Variants in LRRC28 observed in about 807,000 individuals in gnomAD.
The protein encoded by LRRC28 is leucine rich repeat containing 28.
LRRC28 carries 39 observed loss-of-function variants against 45.7 expected under a neutral mutation model. The ratio of observed to expected loss-of-function variants is 0.85; its 90% CI spans 0.66 to 1.12. The LOEUF is 1.12. Among genes scored for constraint, LRRC28 ranks in the 50% most tolerant of loss-of-function variants. LRRC28 has a pLI of 0.00. For synonymous variants in LRRC28, 206 were observed against 178.8 expected, an observed-to-expected ratio of 1.15 and a Z score of -1.22; for missense variants, 435 against 438.5, an observed-to-expected ratio of 0.99 and a Z score of 0.07.
intron 5 of LRRC28, among the ~76,000 whole-genome samples, chr15:99,313,109 A>G (rs368633876): frequency 3.9e-5 from 6 of 152,336 alleles, no homozygotes; most frequent in East Asian, 3.9e-4. Context: ...ATACCTTGCA[A>G]ACAGGAAATA....
intron 1 of LRRC28, among the ~76,000 whole-genome samples, chr15:99,252,156 T>G (rs943069460): frequency 6.6e-6 from 1 of 152,226 alleles, no homozygotes; most frequent in African/African-American, 2.4e-5. Context: ...AGTAATACTA[T>G]TTGCCTTAAC....
intron 3 of LRRC28, among the ~76,000 whole-genome samples, chr15:99,286,403 T>C (rs1432614723): frequency 6.6e-6 from 1 of 152,232 alleles, no homozygotes; most frequent in Non-Finnish European, 1.5e-5. Flanking sequence ...AGTGCTGGGA[T>C]TACAGGCGTG....
intron 1 of LRRC28, among the ~76,000 whole-genome samples, chr15:99,254,016 A>G (rs2080943921): frequency 6.6e-6 from 1 of 152,222 alleles, no homozygotes; most frequent in Admixed American, 6.5e-5. Flanking sequence ...GATGATGAAA[A>G]TGGAAAGCTC....
chr15:99,344,328 A>G (rs188963195), intron 6 of LRRC28, among the ~76,000 whole-genome samples: 48 of 152,168 alleles, frequency 3.2e-4, no homozygotes, highest in Admixed American at 1.3e-3. Flanking sequence ...GTGAGGAAGC[A>G]GGATTCAGAC....
intron 5 of LRRC28, among the ~76,000 whole-genome samples, chr15:99,311,431 A>C (rs1955406711): frequency 6.6e-6 from 1 of 152,182 alleles, no homozygotes; most frequent in Non-Finnish European, 1.5e-5. Flanking sequence ...GTTGTTTACA[A>C]GTGTATTGTT....
Position 99,361,465 on chromosome 15 carries a change from A to G in LRRC28, c.825A>G (p.Glu275=), listed in dbSNP as rs1957200181. The change falls in exon 8 of 10, where the codon GAA becomes GAG. Residue 275 remains glutamate, a synonymous_variant. Transcript: ENST00000301981. ...TEHDHVLPLQ[E]LAMRGLYHTY... ...ATGATCACGTCCTCCCTCTGCAGGAATTGGCTATGAGAGGGCTGTATCATA... is the reference window on the plus strand; with the variant it reads ...ATGATCACGTCCTCCCTCTGCAGGAGTTGGCTATGAGAGGGCTGTATCATA... 6.2e-7 allele frequency: 1 copy of G among 1,613,670 alleles called. No homozygotes were observed. The highest frequency in any genetic ancestry group is 1.7e-5 in the Admixed American group (1 of 59,938).
chr15:99,344,567 T>C (rs1312682025), intron 6 of LRRC28, among the ~76,000 whole-genome samples: 2 of 152,222 alleles, frequency 1.3e-5, no homozygotes, highest in Non-Finnish European at 1.5e-5. Context: ...AAAAACTACC[T>C]TCCTCAGAAT....
chr15:99,300,342 A>G (rs2082365090), intron 5 of LRRC28, among the ~76,000 whole-genome samples: 1 of 151,952 alleles, frequency 6.6e-6, no homozygotes, highest in Non-Finnish European at 1.5e-5. Flanking sequence ...ATCTATTTTT[A>G]CCTAGTTTTA....
intron 6 of LRRC28, among the ~76,000 whole-genome samples, chr15:99,343,457 A>G (rs1385692666): frequency 6.6e-6 from 1 of 152,218 alleles, no homozygotes; most frequent in East Asian, 1.9e-4. Context: ...ACAAACAAAC[A>G]GAATTGGAGC....
At chr15:99,352,184 CTG>C (rs142684470) in intron 6 of LRRC28, among the ~76,000 whole-genome samples, 183 bp from the exon 7 acceptor site, 19 of 152,294 alleles carry the variant, frequency 1.2e-4, no homozygotes, top group Non-Finnish European at 2.5e-4. Flanking sequence ...AGCAAAGAAT[CTG>C]TATCAAGGGG....
At chr15:99,354,261 C>T (rs1956979243) in intron 7 of LRRC28, among the ~76,000 whole-genome samples, 1 of 152,166 alleles carries the variant, frequency 6.6e-6, no homozygotes, top group African/African-American at 2.4e-5. Flanking sequence ...CTATTTTGCA[C>T]CCCCAAAATT....
chr15:99,273,337 G>C (rs748682251), intron 2 of LRRC28, among the ~76,000 whole-genome samples: 1 of 150,332 alleles, frequency 6.7e-6, no homozygotes, highest in East Asian at 1.9e-4. Context: ...CCCGGGTTCA[G>C]GCCATTTTCC....
intron 2 of LRRC28, among the ~76,000 whole-genome samples, chr15:99,265,243 T>A (rs186748211): frequency 6.6e-6 from 1 of 152,250 alleles, no homozygotes; most frequent in East Asian, 1.9e-4. Context: ...CATACAGATT[T>A]AGGTTTTTGC....
At chr15:99,380,763 T>TTA (rs936064028) in intron 9 of LRRC28, among the ~76,000 whole-genome samples, 2 of 152,236 alleles carry the variant, frequency 1.3e-5, no homozygotes, top group African/African-American at 4.8e-5. Flanking sequence ...TGCTTGTCTG[T>TTA]AAAGGATTTT....
chr15:99,288,460 T>C (rs9920437), intron 5 of LRRC28, among the ~76,000 whole-genome samples: 94,632 of 148,996 alleles, frequency 0.64, 30,076 homozygotes, highest in Middle Eastern at 0.76. Context: ...CAGCTCACTG[T>C]AATCTCTGCC....
intron 5 of LRRC28, among the ~76,000 whole-genome samples, chr15:99,328,674 C>T (rs981616753): frequency 6.7e-6 from 1 of 148,440 alleles, no homozygotes; most frequent in African/African-American, 2.5e-5. Context: ...AAAATCTGCC[C>T]TCATTACTGG....
intron 3 of LRRC28, among the ~76,000 whole-genome samples, chr15:99,284,235 C>T (rs1275397626): frequency 1.3e-5 from 2 of 152,102 alleles, no homozygotes; most frequent in Admixed American, 1.3e-4. Context: ...ACCAATAAGA[C>T]CCCTGGTGAT....
intron 2 of LRRC28, among the ~76,000 whole-genome samples, chr15:99,256,784 G>C (rs1016993714): frequency 3.9e-5 from 6 of 152,152 alleles, no homozygotes; most frequent in Non-Finnish European, 5.9e-5. Context: ...TTACATATAA[G>C]ATAAACTAAA....
At chr15:99,361,649 C>T (rs904341393) in intron 8 of LRRC28, 138 bp downstream of exon 8, 1 of 809,404 alleles carries the variant, frequency 1.2e-6, no homozygotes, top group East Asian at 2.7e-5. Context: ...ACCATTTTAT[C>T]CATCTTTAAG....
Sources: gnomAD v4.1 joint callset for allele counts (sites outside exome capture counted in the v4.1 genomes callset) on GRCh38, gnomAD v4.1.1 for gene constraint, MANE v1.5 for transcripts, NCBI Gene and HGNC (gene_info 2026-07-23, HGNC 2026-07-21) for gene names.